Variants in ANO3 observed in about 807,000 individuals in gnomAD.
ANO3 encodes anoctamin 3.
In ANO3, 99 loss-of-function variants were observed where a neutral mutation model predicts 144.8. The ratio of observed to expected loss-of-function variants is 0.68; its 90% CI spans 0.58 to 0.81. The LOEUF is 0.81. Among genes scored for constraint, ANO3 ranks in the 30% least tolerant of loss-of-function variants. The pLI is 0.00. For missense variants in ANO3, 905 were observed against 1,202.2 expected, an observed-to-expected ratio of 0.75 and a Z score of 3.66; for synonymous variants, 414 against 392.6, an observed-to-expected ratio of 1.05 and a Z score of -0.64.
chr11:26,629,512 C>T (rs555877123), intron 18 of ANO3, among the ~76,000 whole-genome samples: 9 of 152,172 alleles, frequency 5.9e-5, no homozygotes, highest in South Asian at 2.1e-4. Context: ...GTTTGGCATG[C>T]GTTCATCCAT....
chr11:26,266,436 T>C (rs1302045083), intron 1 of ANO3, among the ~76,000 whole-genome samples: 1 of 150,044 alleles, frequency 6.7e-6, no homozygotes, highest in East Asian at 2.0e-4. Context: ...AATGTAATTT[T>C]TTTTTTTTTT....
At chr11:26,486,828 T>C (rs1291893436) in intron 4 of ANO3, among the ~76,000 whole-genome samples, 1 of 152,224 alleles carries the variant, frequency 6.6e-6, no homozygotes, top group African/African-American at 2.4e-5. Flanking sequence ...ATCATCTTCA[T>C]TTGATAGGGT....
chr11:26,603,354 C>T (rs893570882), intron 17 of ANO3, among the ~76,000 whole-genome samples: 1 of 151,922 alleles, frequency 6.6e-6, no homozygotes, highest in African/African-American at 2.4e-5. Context: ...CTACAATAAG[C>T]TTATATTCTA....
At chr11:26,467,821 T>G (rs1217469098) in intron 4 of ANO3, among the ~76,000 whole-genome samples, 4 of 151,918 alleles carry the variant, frequency 2.6e-5, no homozygotes, top group Non-Finnish European at 4.4e-5. Context: ...GACAAAAGGC[T>G]TTTTCATCCC....
intron 1 of ANO3, among the ~76,000 whole-genome samples, chr11:26,237,255 T>A (rs1181127313): frequency 2.0e-5 from 3 of 152,160 alleles, no homozygotes; most frequent in African/African-American, 7.2e-5. Context: ...ACCTACAAAA[T>A]CTTTTGTAAC....
intron 1 of ANO3, among the ~76,000 whole-genome samples, chr11:26,280,871 A>C (rs1349267268): frequency 1.3e-5 from 2 of 152,206 alleles, no homozygotes; most frequent in Non-Finnish European, 2.9e-5. Context: ...AGGCCTCTGC[A>C]CAAAAGCAGT....
intron 4 of ANO3, among the ~76,000 whole-genome samples, chr11:26,495,344 A>G (rs1466066554): frequency 3.4e-5 from 5 of 148,836 alleles, no homozygotes; most frequent in East Asian, 2.0e-4. Flanking sequence ...TCCTGGGCTC[A>G]TGAGATCTCC....
chr11:26,331,313 A>T (rs1169955403), upstream of ANO3: 1 of 152,212 alleles, frequency 6.6e-6, no homozygotes, highest in African/African-American at 2.4e-5. Context: ...CATCCTGCAC[A>T]TGTACCACGA....
chr11:26,597,242 C>G (rs1851660322), intron 14 of ANO3, among the ~76,000 whole-genome samples: 2 of 152,124 alleles, frequency 1.3e-5, no homozygotes, highest in Non-Finnish European at 2.9e-5. Context: ...GGCAGCAAGC[C>G]TTTTGTTCTC....
chr11:26,439,440 G>A (rs950384611), intron 1 of ANO3, among the ~76,000 whole-genome samples: 14 of 152,236 alleles, frequency 9.2e-5, no homozygotes, highest in Non-Finnish European at 1.5e-5. Flanking sequence ...AATTAGGTTA[G>A]TAGTTTCCAG....
intron 14 of ANO3, among the ~76,000 whole-genome samples, chr11:26,594,908 C>T (rs1264215821): frequency 6.6e-6 from 1 of 152,058 alleles, no homozygotes. Context: ...GGTTTCTCCC[C>T]CTTGAAGAGT....
At chr11:26,364,389 A>T (rs1273337370) in intron 1 of ANO3, among the ~76,000 whole-genome samples, 1 of 152,232 alleles carries the variant, frequency 6.6e-6, no homozygotes, top group East Asian at 1.9e-4. Flanking sequence ...CCATTAATCC[A>T]GCAAGGCCCA....
upstream of ANO3, chr11:26,332,106 A>G: frequency 1.3e-6 from 2 of 1,485,020 alleles, no homozygotes; most frequent in Non-Finnish European, 1.8e-6. Flanking sequence ...TCCCATGACA[A>G]CGACACCGGC....
intron 1 of ANO3, among the ~76,000 whole-genome samples, chr11:26,374,776 C>T (rs1856359090): frequency 6.6e-6 from 1 of 152,182 alleles, no homozygotes; most frequent in Non-Finnish European, 1.5e-5. Context: ...GACAGTCTTG[C>T]TCTGTCACCC....
intron 4 of ANO3, among the ~76,000 whole-genome samples, chr11:26,496,887 A>G (rs567052703): frequency 3.3e-5 from 5 of 151,448 alleles, no homozygotes; most frequent in African/African-American, 1.2e-4. Flanking sequence ...GTAGCATTCC[A>G]TGGTGTGTGT....
intron 1 of ANO3, among the ~76,000 whole-genome samples, chr11:26,208,730 C>T (rs774614814): frequency 2.0e-5 from 3 of 151,974 alleles, no homozygotes; most frequent in Non-Finnish European, 4.4e-5. Flanking sequence ...ATATTTTTAG[C>T]CCTCATTGAC....
At chr11:26,342,426 G>A (rs150503460) in intron 1 of ANO3, among the ~76,000 whole-genome samples, 3 of 152,208 alleles carry the variant, frequency 2.0e-5, no homozygotes, top group African/African-American at 2.4e-5. Context: ...TAGTTTGACC[G>A]CTTTTTGTTT....
chr11:26,508,313 A>G, intron 5 of ANO3, 51 bp downstream of exon 5: 1 of 1,504,004 alleles, frequency 6.6e-7, no homozygotes, highest in Non-Finnish European at 8.9e-7. Context: ...TGGAACAGAT[A>G]TAATCACTTA....
In ANO3 at chr11:26,476,922, T is replaced by A. The variant is rs1310598039; in HGVS notation, c.432+13774T>A. The stretch of plus-strand genomic sequence containing the variant: ...GTGTGTATGTGTGTGTGTGTGTGTG[T>A]GTGTGTGTGTGAGAGAGAGAGAGAG... On this transcript the variant is annotated intron_variant, in intron 4 of 26. Transcript: ENST00000256737. 3.8e-3 allele frequency among the ~76,000 whole-genome samples: 555 copies of A among 145,176 alleles called. 3 individuals carry two copies. The highest frequency in any genetic ancestry group is 0.014 in the African/African-American group (529 of 38,956).
Sources: allele counts gnomAD v4.1 joint callset (sites outside exome capture counted in the v4.1 genomes callset), GRCh38; gene constraint gnomAD v4.1.1; transcripts MANE v1.5; gene names NCBI Gene and HGNC (gene_info 2026-07-23, HGNC 2026-07-21).